LRRIQ1: variants seen among roughly 807,000 people sequenced by gnomAD.
LRRIQ1 encodes the protein leucine rich repeats and IQ motif containing 1.
Under a neutral mutation model 211.9 loss-of-function variants are expected in LRRIQ1, and 210 were observed. The observed-to-expected ratio is 0.99, with a 90% CI of 0.89 to 1.11. LRRIQ1 has a LOEUF of 1.11. LRRIQ1 is among the 50% of genes most tolerant of loss of function. LRRIQ1 has a pLI of 0.00. For missense variants in LRRIQ1, 2,136 were observed against 1,939.5 expected, an observed-to-expected ratio of 1.10 and a Z score of -1.90; for synonymous variants, 699 against 650.1, an observed-to-expected ratio of 1.08 and a Z score of -1.14.
chr12:85,248,857 G>A (rs1235551050), downstream of LRRIQ1, among the ~76,000 whole-genome samples: 4 of 151,680 alleles, frequency 2.6e-5, no homozygotes, highest in Non-Finnish European at 5.9e-5. Flanking sequence ...TATCATTGTG[G>A]AATGTTGAAG....
At chr12:85,237,378 A>G (rs903389685) in intron 26 of LRRIQ1, among the ~76,000 whole-genome samples, 1 of 152,100 alleles carries the variant, frequency 6.6e-6, no homozygotes, top group Non-Finnish European at 1.5e-5. Flanking sequence ...TTGAAAAGAA[A>G]GAGAGAAAGG....
intron 24 of LRRIQ1, among the ~76,000 whole-genome samples, chr12:85,164,346 G>A (rs1891046331): frequency 6.6e-6 from 1 of 152,142 alleles, no homozygotes; most frequent in African/African-American, 2.4e-5. Context: ...TATTAGCTCT[G>A]TGACCTTTGG....
At chr12:85,144,617 AG>A (rs1889766291) in intron 19 of LRRIQ1, among the ~76,000 whole-genome samples, 1 of 151,616 alleles carries the variant, frequency 6.6e-6, no homozygotes, top group African/African-American at 2.4e-5. Context: ...AGGAAGAGAA[AG>A]TTTACAATAG....
At chr12:85,181,282 A>G (rs1258069989) in intron 24 of LRRIQ1, among the ~76,000 whole-genome samples, 2 of 151,964 alleles carry the variant, frequency 1.3e-5, no homozygotes, top group Non-Finnish European at 2.9e-5. Flanking sequence ...TAAAATTTAT[A>G]TTGCAATATT....
chr12:85,088,535 G>A (rs1885067076), intron 11 of LRRIQ1, among the ~76,000 whole-genome samples: 2 of 152,126 alleles, frequency 1.3e-5, no homozygotes, highest in Non-Finnish European at 2.9e-5. Flanking sequence ...ATTACCTTGG[G>A]CAGTATGGCC....
intron 1 of LRRIQ1, among the ~76,000 whole-genome samples, chr12:85,255,010 A>G (rs1258597570): frequency 1.3e-5 from 2 of 151,878 alleles, no homozygotes; most frequent in Non-Finnish European, 2.9e-5. Flanking sequence ...AATTTTCTAT[A>G]TATAGAAATC....
intron 19 of LRRIQ1, among the ~76,000 whole-genome samples, chr12:85,139,687 A>T (rs2136565802): frequency 6.6e-6 from 1 of 151,558 alleles, no homozygotes; most frequent in Admixed American, 6.6e-5. Flanking sequence ...GACTATGAAG[A>T]TGAAGGTGTT....
At chr12:85,131,572 A>G (rs1244912601) in intron 18 of LRRIQ1, among the ~76,000 whole-genome samples, 3 of 152,186 alleles carry the variant, frequency 2.0e-5, no homozygotes, top group Admixed American at 6.5e-5. Flanking sequence ...GTAAAATAAC[A>G]TAGGATTTAA....
chr12:85,152,135 A>G (rs1890285407), intron 19 of LRRIQ1, 145 bp from the exon 20 acceptor site: 2 of 593,470 alleles, frequency 3.4e-6, no homozygotes, highest in Admixed American at 3.5e-5. Flanking sequence ...GATGAATATC[A>G]TCTCACAATA....
chr12:85,083,171 T>A (rs541127441), intron 11 of LRRIQ1, among the ~76,000 whole-genome samples: 109 of 152,308 alleles, frequency 7.2e-4, no homozygotes, highest in African/African-American at 2.6e-3. Flanking sequence ...TTGAATTTTG[T>A]TTCCTTAAGT....
intron 11 of LRRIQ1, among the ~76,000 whole-genome samples, chr12:85,086,039 C>T (rs965228203): frequency 2.0e-5 from 3 of 152,144 alleles, no homozygotes; most frequent in Admixed American, 6.6e-5. Context: ...AACTAATTCA[C>T]GTTTTCACCA....
intron 8 of LRRIQ1, among the ~76,000 whole-genome samples, chr12:85,062,285 T>C (rs1405185147): frequency 1.3e-5 from 2 of 151,828 alleles, no homozygotes; most frequent in South Asian, 2.1e-4. Flanking sequence ...TGGAGCATGA[T>C]TGAACCTGTC....
chr12:85,161,999 A>G (rs1282176765), intron 24 of LRRIQ1, among the ~76,000 whole-genome samples: 3 of 152,018 alleles, frequency 2.0e-5, no homozygotes, highest in Non-Finnish European at 4.4e-5. Context: ...AGATCGCGCC[A>G]CTGCACTCCA....
intron 13 of LRRIQ1, among the ~76,000 whole-genome samples, chr12:85,100,485 C>T (rs1234814904): frequency 6.6e-6 from 1 of 151,560 alleles, no homozygotes; most frequent in Non-Finnish European, 1.5e-5. Context: ...TAACGTTTGA[C>T]TATTGAGATG....
At chr12:85,097,384 G>A (rs1410777990) in intron 11 of LRRIQ1, among the ~76,000 whole-genome samples, 2 of 151,966 alleles carry the variant, frequency 1.3e-5, no homozygotes, top group African/African-American at 4.8e-5. Flanking sequence ...ATTTACATTA[G>A]GTATATCTCC....
intron 23 of LRRIQ1, among the ~76,000 whole-genome samples, chr12:85,158,555 C>A (rs924877908): frequency 6.6e-6 from 1 of 151,818 alleles, no homozygotes; most frequent in African/African-American, 2.4e-5. Context: ...TATGGATACT[C>A]TAATGCTTAA....
intron 24 of LRRIQ1, among the ~76,000 whole-genome samples, chr12:85,188,473 T>C (rs186553250): frequency 5.3e-4 from 80 of 152,220 alleles, no homozygotes; most frequent in African/African-American, 1.9e-3. Context: ...TATAAAAACC[T>C]TTGATTGTTA....
At chr12:85,237,883 G>A (rs1895266579) in intron 26 of LRRIQ1, among the ~76,000 whole-genome samples, 1 of 152,042 alleles carries the variant, frequency 6.6e-6, no homozygotes, top group African/African-American at 2.4e-5. Flanking sequence ...AATGTCCAGT[G>A]TGCAGTAAAA....
At chr12:85,182,860 C>T (rs1289430928) in intron 24 of LRRIQ1, among the ~76,000 whole-genome samples, 2 of 152,114 alleles carry the variant, frequency 1.3e-5, no homozygotes, top group Admixed American at 1.3e-4. Context: ...TGTAAGACTT[C>T]TTGGAGAAAG....
Sources: gnomAD v4.1 joint callset for allele counts (sites outside exome capture counted in the v4.1 genomes callset) on GRCh38, gnomAD v4.1.1 for gene constraint, MANE v1.5 for transcripts, NCBI Gene and HGNC (gene_info 2026-07-23, HGNC 2026-07-21) for gene names.